The following PHTF2 variants were observed in gnomAD, a reference collection of about 807,000 sequenced individuals.
PHTF2 encodes the protein putative homeodomain transcription factor 2.
In PHTF2, 60 loss-of-function variants were observed where a neutral mutation model predicts 101.2. The ratio of observed to expected loss-of-function variants is 0.59; its 90% CI spans 0.48 to 0.73. PHTF2 has a LOEUF of 0.73. Among genes scored for constraint, PHTF2 ranks in the 30% least tolerant of loss-of-function variants. The probability of loss-of-function intolerance (pLI) is 0.00; values close to 1 mark genes in which losing one functional copy is unlikely to be tolerated. For synonymous variants in PHTF2, 311 were observed against 307.3 expected (o/e 1.01, Z -0.13); for missense variants, 747 against 908.7 (o/e 0.82, Z 2.29).
chr7:77,819,959 G>A (rs562184323), intron 1 of PHTF2, among the ~76,000 whole-genome samples: 11 of 152,028 alleles, frequency 7.2e-5, no homozygotes, highest in South Asian at 4.2e-4. Context: ...GTGTGATCTC[G>A]ACTCACTGCA....
chr7:77,896,900 T>C (rs1336434694), intron 5 of PHTF2, among the ~76,000 whole-genome samples: 1 of 152,160 alleles, frequency 6.6e-6, no homozygotes, highest in Non-Finnish European at 1.5e-5. Context: ...GACATGAAAA[T>C]ATATTTTTTG....
At chr7:77,866,531 C>T (rs1402887335) in intron 3 of PHTF2, among the ~76,000 whole-genome samples, 1 of 151,846 alleles carries the variant, frequency 6.6e-6, no homozygotes, top group Non-Finnish European at 1.5e-5. Context: ...GTGGAAAGGG[C>T]ATGGAATTGG....
Position 77,817,017 on chromosome 7 carries a change from T to C in PHTF2, c.-36+18046T>C, listed in dbSNP as rs567634757. 2.6e-5 allele frequency among the ~76,000 whole-genome samples: 4 copies of C among 152,352 alleles called. No individual in the cohort carries two copies. The South Asian group carries it at 8.3e-4, about 32-fold the overall frequency. On this transcript the variant is annotated intron_variant, in intron 1 of 19. Coordinates refer to ENST00000416283, the Ensembl canonical transcript of PHTF2. ...ATATCTTGACTATTGTGAATAGTGCTGCAATAAACATGGGGTACAGATGTC... is the reference window on the plus strand; with the variant it reads ...ATATCTTGACTATTGTGAATAGTGCCGCAATAAACATGGGGTACAGATGTC...
chr7:77,909,183 TC>T (rs1433148793), intron 8 of PHTF2: 3 of 371,826 alleles, frequency 8.1e-6, no homozygotes, highest in Non-Finnish European at 4.8e-6. Context: ...TTTTTTTTTT[TC>T]CTTGAAGCTC....
chr7:77,912,540 G>A (rs1254735059), intron 9 of PHTF2, among the ~76,000 whole-genome samples: 1 of 151,890 alleles, frequency 6.6e-6, no homozygotes, highest in African/African-American at 2.4e-5. Context: ...CTTCCGTTAA[G>A]TTATCTCTGT....
At chr7:77,821,793 C>T (rs893823147) in intron 1 of PHTF2, among the ~76,000 whole-genome samples, 7 of 152,170 alleles carry the variant, frequency 4.6e-5, no homozygotes, top group Non-Finnish European at 8.8e-5. Context: ...GGAGTGAGCC[C>T]TCCATAGGCC....
chr7:77,814,585 C>A (rs1307195932), intron 1 of PHTF2, among the ~76,000 whole-genome samples: 1 of 150,648 alleles, frequency 6.6e-6, no homozygotes, highest in East Asian at 2.0e-4. Context: ...AATCTCAGCT[C>A]ATTGCAACTT....
chr7:77,829,543 G>A (rs2150546483), intron 1 of PHTF2, among the ~76,000 whole-genome samples: 1 of 152,232 alleles, frequency 6.6e-6, no homozygotes, highest in African/African-American at 2.4e-5. Context: ...CTTATAAGTT[G>A]TAATAATTTA....
At chr7:77,801,373 G>A (rs1445807024) in intron 1 of PHTF2, among the ~76,000 whole-genome samples, 1 of 152,158 alleles carries the variant, frequency 6.6e-6, no homozygotes, top group Admixed American at 6.5e-5. Flanking sequence ...ATCACCTGAG[G>A]TCAGGAGTTC....
intron 2 of PHTF2, among the ~76,000 whole-genome samples, chr7:77,848,073 G>T (rs543607734): frequency 3.3e-5 from 5 of 152,266 alleles, no homozygotes; most frequent in Admixed American, 3.3e-4. Flanking sequence ...CTACTCCATT[G>T]TGTATATGTA....
At chr7:77,913,501 G>A (rs557899207) in intron 9 of PHTF2, among the ~76,000 whole-genome samples, 4 of 152,000 alleles carry the variant, frequency 2.6e-5, no homozygotes, top group Admixed American at 2.0e-4. Flanking sequence ...GATTGAATAG[G>A]ATGAATTACA....
At chr7:77,913,573 C>A (rs1802614199) in intron 9 of PHTF2, among the ~76,000 whole-genome samples, 1 of 151,964 alleles carries the variant, frequency 6.6e-6, no homozygotes, top group South Asian at 2.1e-4. Context: ...CCTAAGTTTT[C>A]TTTCATGTCC....
intron 3 of PHTF2, among the ~76,000 whole-genome samples, chr7:77,885,657 C>G (rs1253928704): frequency 6.6e-6 from 1 of 152,128 alleles, no homozygotes; most frequent in African/African-American, 2.4e-5. Flanking sequence ...GTTGGCCAGG[C>G]TAGTCTGGAG....
intron 3 of PHTF2, among the ~76,000 whole-genome samples, chr7:77,867,638 CTG>C (rs1329104261): frequency 1.3e-4 from 20 of 152,284 alleles, no homozygotes; most frequent in Non-Finnish European, 2.1e-4. Flanking sequence ...ACTTCAGTAA[CTG>C]TGGTTGGACT....
chr7:77,893,952 C>T (rs774630789), intron 4 of PHTF2, 30 bp from the exon 4 acceptor site: 7 of 1,567,928 alleles, frequency 4.5e-6, no homozygotes, highest in South Asian at 4.5e-5. Context: ...TGCTTTTTCT[C>T]CCTTTTGATG....
chr7:77,837,485 T>C (rs1795559817), intron 1 of PHTF2, among the ~76,000 whole-genome samples: 1 of 152,186 alleles, frequency 6.6e-6, no homozygotes. Context: ...GTTTTAAAAA[T>C]AGGTATGAGC....
chr7:77,847,641 CAT>C (rs1432644481), intron 2 of PHTF2, among the ~76,000 whole-genome samples: 1 of 152,204 alleles, frequency 6.6e-6, no homozygotes, highest in Non-Finnish European at 1.5e-5. Flanking sequence ...TTGATACAAA[CAT>C]ATAATCACAT....
intron 6 of PHTF2, among the ~76,000 whole-genome samples, chr7:77,901,286 T>TA (rs1458878297): frequency 3.3e-5 from 5 of 152,164 alleles, no homozygotes; most frequent in Non-Finnish European, 7.3e-5. Flanking sequence ...TTTTTAGAAA[T>TA]AAAAACATTG....
At chr7:77,929,400 G>A in intron 12 of PHTF2, 73 bp downstream of exon 11, 1 of 742,478 alleles carries the variant, frequency 1.3e-6, no homozygotes, top group Non-Finnish European at 2.3e-6. Context: ...ATGTTACAGA[G>A]GTGAAGAAAA....
Sources: allele counts gnomAD v4.1 joint callset (sites outside exome capture counted in the v4.1 genomes callset), GRCh38; gene constraint gnomAD v4.1.1; transcripts MANE v1.5; gene names NCBI Gene and HGNC (gene_info 2026-07-23, HGNC 2026-07-21).